TSC1: variants seen among roughly 807,000 people sequenced by gnomAD.
TSC1 encodes the protein hamartin.
A neutral mutation model predicts 124.3 loss-of-function variants in TSC1; 20 were observed. The observed-to-expected ratio is 0.16, with a 90% CI of 0.11 to 0.23. TSC1 has a LOEUF of 0.23. Among genes scored for constraint, TSC1 ranks in the 10% least tolerant of loss-of-function variants. TSC1 has a pLI of 1.00. For synonymous variants in TSC1, 493 were observed against 539.1 expected, an observed-to-expected ratio of 0.91 and a Z score of 1.19; for missense variants, 1,124 against 1,448.5, an observed-to-expected ratio of 0.78 and a Z score of 3.64.
intron 8 of TSC1, among the ~76,000 whole-genome samples, chr9:132,914,969 G>A (rs1368464161): frequency 1.3e-5 from 2 of 152,098 alleles, no homozygotes; most frequent in Non-Finnish European, 2.9e-5. Context: ...GAGGCCAGGG[G>A]TTCAAGACCA....
chr9:132,934,695 G>A (rs1847366954), intron 2 of TSC1, among the ~76,000 whole-genome samples: 1 of 152,212 alleles, frequency 6.6e-6, no homozygotes, highest in African/African-American at 2.4e-5. Flanking sequence ...ACCAAACTTT[G>A]CTGCTAAACA....
At chr9:132,933,051 G>A (rs1847282317) in intron 2 of TSC1, among the ~76,000 whole-genome samples, 1 of 152,130 alleles carries the variant, frequency 6.6e-6, no homozygotes, top group Non-Finnish European at 1.5e-5. Flanking sequence ...TGGCTGTCTG[G>A]CTTTGGCTTT....
At chr9:132,939,096 T>C (rs1051609226) in intron 1 of TSC1, 26 of 152,216 alleles carry the variant, frequency 1.7e-4, no homozygotes, top group African/African-American at 6.0e-4. Context: ...ACTATTTTAT[T>C]ATCAGGTACA....
intron 19 of TSC1, 119 bp from the exon 20 acceptor site, chr9:132,900,956 G>C: frequency 7.0e-7 from 1 of 1,422,804 alleles, no homozygotes; most frequent in Non-Finnish European, 9.7e-7. Flanking sequence ...AAATAAACCA[G>C]TCCCATGGGT....
rs12350315 is a variant in TSC1, at chr9:132,897,777, C to T, written c.2626-167G>A. 0.13 allele frequency among the ~76,000 whole-genome samples: 19,784 copies of T among 152,074 alleles called. 1,292 individuals are homozygous for T. The highest frequency in any genetic ancestry group is 0.15 in the Non-Finnish European group (10,215 of 67,972). On this transcript the variant is annotated intron_variant, in intron 20 of 22. Transcript: ENST00000298552. ...ATGGAAAGTAAGCTGGTAGTATTAT[C>T]CTAGTAACCCTTCCTTGAAATCTAT... is the stretch of plus-strand genomic sequence containing the variant.
chr9:132,938,075 C>T (rs972724455), intron 1 of TSC1, among the ~76,000 whole-genome samples: 1 of 152,130 alleles, frequency 6.6e-6, no homozygotes, highest in Non-Finnish European at 1.5e-5. Context: ...TATTACTGCA[C>T]TAAAAATGAT....
At chr9:132,933,382 T>C (rs548469423) in intron 2 of TSC1, among the ~76,000 whole-genome samples, 102 of 152,138 alleles carry the variant, frequency 6.7e-4, no homozygotes, top group African/African-American at 2.3e-3. Flanking sequence ...GTCTTAAAAA[T>C]GAGGACAAAA....
At position 132,923,272 on chromosome 9, in the gene TSC1, A is replaced by ACAG; in HGVS notation, c.508+73_508+75dup. 2 of 1,579,518 alleles carry ACAG rather than the reference A, an allele frequency of 1.3e-6. No individual in the cohort carries two copies. Among genetic ancestry groups the ACAG allele is most frequent in the South Asian group, 2.4e-5 (2 of 85,004 alleles). On this transcript the variant is annotated intron_variant, in intron 6 of 22. Transcript: ENST00000298552. The surrounding 1 kb of genome is among the most constrained non-coding windows in gnomAD (Gnocchi z 4.2). Reference sequence around the variant, plus strand: ...ATAAAAGTCTACATGTCCATTCCTTACAGCATATGAGCAATTAATCAATAA... The same window carrying ACAG: ...ATAAAAGTCTACATGTCCATTCCTTACAGCAGCATATGAGCAATTAATCAATAA...
intron 2 of TSC1, among the ~76,000 whole-genome samples, chr9:132,929,691 AT>A (rs1204586951): frequency 5.3e-5 from 8 of 152,244 alleles, no homozygotes; most frequent in South Asian, 2.1e-4. Context: ...CTCTGAGGCT[AT>A]ATTTGTTAAA....
Position 132,904,399 on chromosome 9 carries a change from TAACAAC to T in TSC1, c.2041+6_2041+11del. The stretch of plus-strand genomic sequence containing the variant: ...ATGTGGGCTGGATTTGGAGCTAAAG[TAACAAC>T]TTTACCTCCAAAGTGGGTCCAGTCG... On this transcript the variant is annotated splice_donor_region_variant and intron_variant, in intron 16 of 22. Coordinates refer to ENST00000298552, the MANE Select transcript of TSC1 (RefSeq NM_000368.5). 1 of 1,613,888 alleles carries T rather than the reference TAACAAC, an allele frequency of 6.2e-7. No homozygotes were observed. Among genetic ancestry groups the T allele is most frequent in the Non-Finnish European group, 8.5e-7 (1 of 1,179,944 alleles).
chr9:132,925,760 G>A (rs540149279), intron 4 of TSC1, 21 bp from the exon 5 acceptor site: 1 of 1,614,100 alleles, frequency 6.2e-7, no homozygotes, highest in African/African-American at 1.3e-5. Context: ...AAAAGAACAA[G>A]GGCAGTCCTC....
Position 132,927,235 on chromosome 9 carries a change from T to C in TSC1, c.176A>G (p.His59Arg). 6.2e-7 allele frequency: 1 copy of C among 1,614,058 alleles called. No individual in the cohort carries two copies. The highest frequency in any genetic ancestry group is 8.5e-7 in the Non-Finnish European group (1 of 1,179,962). The change falls in exon 4 of 23, where the codon CAC (histidine) becomes CGC (arginine). Residue 59 changes from histidine (H) to arginine (R), a missense_variant. His to Arg is a conservative substitution (Grantham distance 29, BLOSUM62 0). This residue lies in a region of TSC1 where 463 missense variants were observed against 606.8 expected (regional missense o/e 0.76). Transcript: ENST00000298552. ...YLETSSQPAL[H>R]ILTTLQEPHD... ...TGGCTCTTGCAAGGTGGTCAGGATG[T>C]GCAATGCCGGCTGAGAGCTGGTTTC...
rs984165284 is a variant in TSC1, at chr9:132,921,987, C to A, written c.509-14G>T. On this transcript the variant is annotated splice_polypyrimidine_tract_variant and intron_variant, in intron 6 of 22. Coordinates refer to ENST00000298552, the MANE Select transcript of TSC1 (RefSeq NM_000368.5). The surrounding 1 kb of genome is among the most constrained non-coding windows in gnomAD (Gnocchi z 4.3). ...CCGCCACGTGGCCTAGAAAAGGAAC[C>A]CGTTGAGAAGAGCCTCTTAGTTGGA... The A allele has an allele frequency of 5.6e-6, 9 of 1,613,976 alleles. No individual in the cohort carries two copies. Among genetic ancestry groups the A allele is most frequent in the Non-Finnish European group, 7.6e-6 (9 of 1,179,948 alleles).
At chr9:132,926,808 G>A (rs1268935129) in intron 4 of TSC1, 1 of 243,088 alleles carries the variant, frequency 4.1e-6, no homozygotes, top group Non-Finnish European at 8.2e-6. Flanking sequence ...CTGAGTAGCT[G>A]AGATTATAGG....
At chr9:132,940,240 A>T (rs946606873) in intron 1 of TSC1, among the ~76,000 whole-genome samples, 1 of 133,154 alleles carries the variant, frequency 7.5e-6, no homozygotes, top group African/African-American at 3.3e-5. Context: ...ACTACTAGTT[A>T]AAAAAAAAAA....
intron 1 of TSC1, among the ~76,000 whole-genome samples, chr9:132,938,583 T>G (rs1847582025): frequency 1.3e-5 from 2 of 152,214 alleles, no homozygotes; most frequent in African/African-American, 2.4e-5. Flanking sequence ...AATATCATTC[T>G]TTAGGTGTTT....
At position 132,902,775 on chromosome 9, in the gene TSC1, T is replaced by G. The variant is rs587778723; in HGVS notation, c.2221A>C (p.Lys741Gln). 5 of 1,613,638 alleles carry G rather than the reference T, an allele frequency of 3.1e-6. No homozygotes were observed. The highest frequency in any genetic ancestry group is 4.2e-6 in the Non-Finnish European group (5 of 1,180,034). ...EHNAAMKDQL[K>Q]LQEKDIQMWK... ...ATCTGGATGTCCTTCTCTTGTAACT[T>G]CAACTGATCTTTCTAGCAGAGACCA... Residue 741 changes from lysine (K) to glutamine (Q), a missense_variant, in exon 18 of 23, where the codon AAG becomes CAG. Transcript: ENST00000298552. This position sits in a 1 kb window ranked among gnomAD's most constrained non-coding sequence, Gnocchi z 5.2.
chr9:132,917,372 C>T (rs933032022), intron 8 of TSC1, among the ~76,000 whole-genome samples: 6 of 152,144 alleles, frequency 3.9e-5, no homozygotes, highest in Non-Finnish European at 7.3e-5. Context: ...GCTCTGTCAC[C>T]CAGGCTGGCG....
intron 1 of TSC1, among the ~76,000 whole-genome samples, chr9:132,943,275 C>CTTCAGTAAACTCATCAGTTTTAT (rs545060474): frequency 1.3e-3 from 197 of 149,214 alleles, no homozygotes; most frequent in African/African-American, 3.6e-3. Flanking sequence ...GGACTTCTTT[C>CTTCAGTAAACTCATCAGTTTTAT]TTCAGTAAAC....
Sources: gnomAD v4.1 joint callset for allele counts (sites outside exome capture counted in the v4.1 genomes callset) on GRCh38, gnomAD v4.1.1 for gene constraint, gnomAD v4.1.1 regional missense constraint, Gnocchi (gnomAD v3.1) non-coding constraint, MANE v1.5 for transcripts, NCBI Gene and HGNC (gene_info 2026-07-23, HGNC 2026-07-21) for gene names.